Variants in GREB1L observed in about 807,000 individuals in gnomAD.
GREB1L encodes GREB1 like retinoic acid receptor coactivator.
A neutral mutation model predicts 200.8 loss-of-function variants in GREB1L; 17 were observed. That is an observed-to-expected ratio of 0.08 (90% CI 0.06 to 0.13). The LOEUF is 0.13. GREB1L is among the 10% of genes least tolerant of loss of function. The pLI, the probability that GREB1L is intolerant of heterozygous loss-of-function variation, is 1.00. For synonymous variants in GREB1L, 789 were observed against 893.0 expected (o/e 0.88, Z 2.08); for missense variants, 1,657 against 2,367.7 (o/e 0.70, Z 6.23).
At chr18:21,470,357 A>G (rs969807102) in intron 15 of GREB1L, among the ~76,000 whole-genome samples, 20 of 152,154 alleles carry the variant, frequency 1.3e-4, no homozygotes, top group African/African-American at 4.6e-4. Flanking sequence ...TTTGAGGAAA[A>G]TTTAATTTTT....
In GREB1L at chr18:21,505,913, G is replaced by C. The variant is rs749734365; in HGVS notation, c.4332G>C (p.Gln1444His). 1 of 1,552,270 alleles carries C rather than the reference G, an allele frequency of 6.4e-7. No individual in the cohort carries two copies. Among genetic ancestry groups the C allele is most frequent in the East Asian group, 2.4e-5 (1 of 40,926 alleles). Residue 1444 changes from glutamine (Q) to histidine (H), a missense_variant, in exon 25 of 33, where the codon CAG becomes CAC. Gln to His is a conservative substitution (Grantham distance 24, BLOSUM62 0). Transcript: ENST00000424526. ...AAYNTFHHCEQCRQYMDFTSA... is the reference protein window; with the variant it reads ...AAYNTFHHCEHCRQYMDFTSA... ...ATAACACCTTTCACCACTGTGAACA[G>C]TGCCGCCAGTACATGGACTTCACCT...
chr18:21,506,068 T>G, intron 25 of GREB1L, 119 bp downstream of exon 25: 1 of 1,104,802 alleles, frequency 9.1e-7, no homozygotes, highest in Admixed American at 3.0e-5. Flanking sequence ...AAAGGATAGT[T>G]TACTCATAAG....
intron 5 of GREB1L, among the ~76,000 whole-genome samples, chr18:21,398,860 T>C (rs574854936): frequency 6.6e-6 from 1 of 152,158 alleles, no homozygotes; most frequent in East Asian, 1.9e-4. Flanking sequence ...AACTAGAAGG[T>C]AATTTGGCTG....
intron 1 of GREB1L, among the ~76,000 whole-genome samples, chr18:21,352,534 A>G (rs1337677655): frequency 6.6e-6 from 1 of 151,704 alleles, no homozygotes; most frequent in African/African-American, 2.4e-5. Flanking sequence ...CCCGGGTTCA[A>G]GCAATTCCCA....
At chr18:21,268,552 CACACACACATATATATAT>C (rs1260692890) in intron 1 of GREB1L, among the ~76,000 whole-genome samples, 39 of 98,940 alleles carry the variant, frequency 3.9e-4, no homozygotes, top group African/African-American at 1.5e-3. Flanking sequence ...CACACACACA[CACACACACATATATATAT>C]ATATATATAT....
At chr18:21,290,824 C>CA (rs752840997) in intron 1 of GREB1L, among the ~76,000 whole-genome samples, 2,884 of 62,716 alleles carry the variant, frequency 0.046, 155 homozygotes, top group African/African-American at 0.12. Context: ...GACTCTGTCT[C>CA]AAAAAAAAAA....
intron 1 of GREB1L, among the ~76,000 whole-genome samples, chr18:21,326,957 C>G (rs553376639): frequency 1.3e-5 from 2 of 152,082 alleles, no homozygotes; most frequent in Admixed American, 6.5e-5. Context: ...CTGGCTGTAT[C>G]AGGCTTAAAG....
chr18:21,448,416 T>C (rs919230536), intron 11 of GREB1L, among the ~76,000 whole-genome samples: 30 of 152,210 alleles, frequency 2.0e-4, no homozygotes, highest in African/African-American at 6.8e-4. Flanking sequence ...ATTTTCTTAC[T>C]TTCCCAGAAA....
intron 1 of GREB1L, among the ~76,000 whole-genome samples, chr18:21,341,189 G>T (rs1380471427): frequency 6.6e-6 from 1 of 152,160 alleles, no homozygotes; most frequent in East Asian, 1.9e-4. Context: ...AGGAGACCCT[G>T]TGTGTTGCAG....
chr18:21,501,746 C>G (rs2036803400), intron 23 of GREB1L, among the ~76,000 whole-genome samples: 1 of 152,182 alleles, frequency 6.6e-6, no homozygotes, highest in Non-Finnish European at 1.5e-5. Flanking sequence ...ATATTTTACC[C>G]ATAGGCTCTG....
rs568497716 is a variant in GREB1L, at chr18:21,471,712, C to G, written c.2183-1319C>G. On this transcript the variant is annotated intron_variant, in intron 15 of 32. Coordinates refer to ENST00000424526, the MANE Select transcript of GREB1L (RefSeq NM_001142966.3). ...TCTCGGCACACCGCAACCTCGGCCTCCTGGGTTGAAGCGATTCTCCTCCTC... is the reference window on the plus strand; with the variant it reads ...TCTCGGCACACCGCAACCTCGGCCTGCTGGGTTGAAGCGATTCTCCTCCTC... Among the ~76,000 whole-genome samples the G allele has an allele frequency of 6.0e-4, 90 of 149,430 alleles. 1 individual carries two copies. Among genetic ancestry groups the G allele is most frequent in the African/African-American group, 2.1e-3 (84 of 40,054 alleles).
At chr18:21,459,279 C>CTTTTTTTTT (rs746568414) in intron 15 of GREB1L, among the ~76,000 whole-genome samples, 3 of 85,930 alleles carry the variant, frequency 3.5e-5, no homozygotes, top group Non-Finnish European at 6.4e-5. Context: ...TTTTTCTTTA[C>CTTTTTTTTT]TTTTTTTTTT....
intron 1 of GREB1L, among the ~76,000 whole-genome samples, chr18:21,288,718 C>A (rs1182149478): frequency 6.6e-6 from 1 of 151,504 alleles, no homozygotes; most frequent in Non-Finnish European, 1.5e-5. Flanking sequence ...TGGCATAGAA[C>A]TTGTAAGGCT....
At chr18:21,322,941 G>A (rs1012246766) in intron 1 of GREB1L, among the ~76,000 whole-genome samples, 3 of 151,816 alleles carry the variant, frequency 2.0e-5, no homozygotes, top group South Asian at 2.1e-4. Context: ...TTAATCTTAG[G>A]ACTTTTTAAG....
intron 1 of GREB1L, among the ~76,000 whole-genome samples, chr18:21,273,054 C>G (rs1344159354): frequency 1.3e-5 from 2 of 152,216 alleles, no homozygotes; most frequent in South Asian, 4.2e-4. Flanking sequence ...TGGCGAAACC[C>G]CATCTTTACT....
chr18:21,436,555 G>T (rs566241340), intron 7 of GREB1L, among the ~76,000 whole-genome samples: 3 of 152,196 alleles, frequency 2.0e-5, no homozygotes, highest in Admixed American at 2.0e-4. Context: ...GATGGCTTGA[G>T]CCTGGGAAGT....
intron 17 of GREB1L, among the ~76,000 whole-genome samples, chr18:21,482,865 C>T (rs2035976519): frequency 6.6e-6 from 1 of 151,872 alleles, no homozygotes; most frequent in African/African-American, 2.4e-5. Context: ...GACATTCTCC[C>T]CCCAGAAATA....
intron 19 of GREB1L, among the ~76,000 whole-genome samples, chr18:21,494,218 G>C (rs1399485335): frequency 6.6e-6 from 1 of 152,176 alleles, no homozygotes; most frequent in Non-Finnish European, 1.5e-5. Flanking sequence ...CGGGAAGTCT[G>C]TGAAACTTGT....
Position 21,513,991 on chromosome 18 carries a change from A to G in GREB1L, c.4901+5A>G. The G allele has an allele frequency of 6.4e-7, 1 of 1,550,876 alleles. No homozygotes were observed. The highest frequency in any genetic ancestry group is 8.7e-7 in the Non-Finnish European group (1 of 1,146,408). On this transcript the variant is annotated splice_donor_5th_base_variant and intron_variant, in intron 28 of 32. Coordinates refer to ENST00000424526, the MANE Select transcript of GREB1L (RefSeq NM_001142966.3). Reference sequence around the variant, plus strand: ...CAGTGTTCAGGAGCCATCCAGGTAGACTTCCAAGCTGGGGGCGTATGACAC... The same window carrying G: ...CAGTGTTCAGGAGCCATCCAGGTAGGCTTCCAAGCTGGGGGCGTATGACAC...
Sources: allele counts gnomAD v4.1 joint callset (sites outside exome capture counted in the v4.1 genomes callset), GRCh38; gene constraint gnomAD v4.1.1; transcripts MANE v1.5; gene names NCBI Gene and HGNC (gene_info 2026-07-23, HGNC 2026-07-21).